SVOP: variants seen among roughly 807,000 people sequenced by gnomAD.
The protein encoded by SVOP is SV2 related protein.
A neutral mutation model predicts 69.1 loss-of-function variants in SVOP; 17 were observed. The observed-to-expected ratio is 0.25, with a 90% CI of 0.17 to 0.37. SVOP has a LOEUF of 0.37. Ranked by LOEUF, SVOP falls within the 10% of genes least tolerant of loss-of-function variation. The pLI is 1.00. For missense variants in SVOP, 435 were observed against 597.5 expected (o/e 0.73, Z 2.84); for synonymous variants, 238 against 238.6 (o/e 1.00, Z 0.02).
chr12:108,919,730 G>C lies in SVOP; in HGVS notation c.1213C>G (p.Leu405Val). The change falls in exon 13 of 16, where the codon CTG becomes GTG. Residue 405 changes from leucine to valine, a missense_variant. Leu to Val is a conservative substitution (Grantham distance 32). Transcript: ENST00000610966. Reference protein sequence around the residue: ...DRLGRKKTMALCFVIFSFCSL... With the variant: ...DRLGRKKTMAVCFVIFSFCSL... ...CAGAAGGAGAAGATGACAAAGCACAGGGCCATGGTCTTCTTGCGCCCCAGG... is the reference window on the plus strand; with the variant it reads ...CAGAAGGAGAAGATGACAAAGCACACGGCCATGGTCTTCTTGCGCCCCAGG... The C allele has an allele frequency of 6.2e-7, 1 of 1,608,262 alleles. No individual in the cohort carries two copies. The highest frequency in any genetic ancestry group is 8.5e-7 in the Non-Finnish European group (1 of 1,177,246).
intron 11 of SVOP, among the ~76,000 whole-genome samples, chr12:108,929,107 T>C (rs750791809): frequency 6.6e-6 from 1 of 152,222 alleles, no homozygotes; most frequent in Non-Finnish European, 1.5e-5. Context: ...GGCTTAACCA[T>C]TTCTCCAGGT....
chr12:109,004,410 C>CTTTTT lies in SVOP; in HGVS notation c.35+16419_35+16423dup, dbSNP rs34124314. Reference sequence around the variant, plus strand: ...CTGTGACTCGATTCAGGTATTGCTACTTTTTTTTTTTTTTTTTTTGAGACA... The same window carrying CTTTTT: ...CTGTGACTCGATTCAGGTATTGCTACTTTTTTTTTTTTTTTTTTTTTTTTGAGACA... On this transcript the variant is annotated intron_variant, in intron 1 of 15. Transcript: ENST00000610966. Among the ~76,000 whole-genome samples the CTTTTT allele has an allele frequency of 4.9e-3, 585 of 120,292 alleles. 17 individuals carry two copies. The highest frequency in any genetic ancestry group is 8.8e-3 in the South Asian group (31 of 3,526). The allele number at this position is 120,292 out of a possible 152,430, so 78.9% of individuals were successfully genotyped here. A position where few individuals can be genotyped will look rare whatever the true frequency, so the allele number is the denominator to read the frequency against.
intron 4 of SVOP, among the ~76,000 whole-genome samples, chr12:108,976,771 C>T (rs1566061161): frequency 6.6e-6 from 1 of 151,998 alleles, no homozygotes; most frequent in South Asian, 2.1e-4. Flanking sequence ...GCCCCCACCA[C>T]GCCCAGCTAA....
chr12:109,004,136 T>C (rs2040290721), intron 1 of SVOP, among the ~76,000 whole-genome samples: 1 of 151,968 alleles, frequency 6.6e-6, no homozygotes. Flanking sequence ...AAAAAAGTAA[T>C]ATGAAAGAAA....
chr12:108,942,124 C>T (rs149479762), intron 7 of SVOP, among the ~76,000 whole-genome samples: 19,982 of 152,118 alleles, frequency 0.13, 1,563 homozygotes, highest in East Asian at 0.35. Flanking sequence ...GGCTTATTTC[C>T]CTGAGCATAA....
intron 6 of SVOP, among the ~76,000 whole-genome samples, chr12:108,947,570 C>T (rs1023041437): frequency 1.3e-5 from 2 of 152,100 alleles, no homozygotes; most frequent in Non-Finnish European, 2.9e-5. Context: ...TGTCTTTGCT[C>T]AATTTACTTG....
chr12:108,992,025 C>T (rs74188014), intron 1 of SVOP, among the ~76,000 whole-genome samples: 135,187 of 152,074 alleles, frequency 0.89, 61,210 homozygotes, highest in Non-Finnish European at 0.99. Flanking sequence ...TGTGGGGGTG[C>T]TTGAAAGTCA....
In SVOP at chr12:108,922,741, T is replaced by A; in HGVS notation, c.1105A>T (p.Ser369Cys). The change falls in exon 12 of 16, where the codon AGT becomes TGT. Residue 369 changes from serine to cysteine, a missense_variant. Ser to Cys is a moderately radical substitution (Grantham distance 112, BLOSUM62 -1). Transcript: ENST00000610966. ...AKCSLACEYL[S>C]EEDYMDLLWT... ...AGCAAGTCCATGTAATCCTCCTCAC[T>A]CAGGTACTCGCAGGCCAGGCTGCAT... is the stretch of plus-strand genomic sequence containing the variant. 1.2e-6 allele frequency: 2 copies of A among 1,611,798 alleles called. No individual in the cohort carries two copies. Among genetic ancestry groups the A allele is most frequent in the Non-Finnish European group, 1.7e-6 (2 of 1,179,236 alleles).
intron 1 of SVOP, among the ~76,000 whole-genome samples, chr12:109,015,080 A>G (rs575964553): frequency 6.6e-6 from 1 of 152,244 alleles, no homozygotes; most frequent in South Asian, 2.1e-4. Flanking sequence ...GAGGGCTGCA[A>G]ATTTAAAGAG....
intron 7 of SVOP, 143 bp from the exon 8 acceptor site, chr12:108,941,052 G>C: frequency 1.6e-6 from 2 of 1,235,422 alleles, no homozygotes; most frequent in Non-Finnish European, 2.2e-6. Flanking sequence ...CTTTCCCTGT[G>C]GTCTATATGG....
intron 11 of SVOP, among the ~76,000 whole-genome samples, chr12:108,930,403 C>G (rs982341712): frequency 2.0e-5 from 3 of 146,858 alleles, no homozygotes; most frequent in Admixed American, 1.4e-4. Context: ...TCAGTGTTTG[C>G]CTTATTTGAA....
At chr12:108,963,970 G>A (rs1295739184) in intron 5 of SVOP, among the ~76,000 whole-genome samples, 1 of 152,106 alleles carries the variant, frequency 6.6e-6, no homozygotes, top group African/African-American at 2.4e-5. Context: ...AATTAAGACT[G>A]TATAGTTTCA....
chr12:108,985,019 G>C (rs1199674405), intron 1 of SVOP, among the ~76,000 whole-genome samples: 2 of 151,860 alleles, frequency 1.3e-5, no homozygotes, highest in African/African-American at 2.4e-5. Context: ...TTGGGCAAAG[G>C]AGTTCAAGAC....
intron 8 of SVOP, 29 bp from the exon 9 acceptor site, chr12:108,938,984 C>T (rs372724748): frequency 2.5e-5 from 40 of 1,613,556 alleles, no homozygotes; most frequent in South Asian, 1.3e-4. Context: ...GAAACCCAGG[C>T]GTGGCTGGTT....
chr12:108,916,645 C>T (rs1289944509), intron 14 of SVOP, among the ~76,000 whole-genome samples: 2 of 152,240 alleles, frequency 1.3e-5, no homozygotes, highest in Non-Finnish European at 2.9e-5. Flanking sequence ...ATAAGAAAGG[C>T]ACACGATGCG....
intron 1 of SVOP, among the ~76,000 whole-genome samples, chr12:108,998,569 G>A (rs956859824): frequency 7.9e-5 from 12 of 151,958 alleles, no homozygotes; most frequent in African/African-American, 4.8e-5. Flanking sequence ...GAGAAAGGTC[G>A]GGTTACCCTC....
chr12:109,006,639 C>T (rs893800508), intron 1 of SVOP, among the ~76,000 whole-genome samples: 2 of 152,176 alleles, frequency 1.3e-5, no homozygotes, highest in Admixed American at 6.5e-5. Context: ...TAATTTCATC[C>T]TTCTCTGGAG....
intron 5 of SVOP, among the ~76,000 whole-genome samples, chr12:108,969,832 G>A (rs527446604): frequency 4.6e-5 from 7 of 152,184 alleles, no homozygotes; most frequent in Admixed American, 3.9e-4. Flanking sequence ...TGGGAGAGCA[G>A]ATGGGGGCAG....
chr12:108,960,816 TCTGCACCC>T, intron 6 of SVOP, 99 bp downstream of exon 6: 1 of 1,369,268 alleles, frequency 7.3e-7, no homozygotes, highest in South Asian at 1.5e-5. Flanking sequence ...TATAGCTATC[TCTGCACCC>T]CTGCTGCCCC....
Sources: allele counts gnomAD v4.1 joint callset (sites outside exome capture counted in the v4.1 genomes callset), GRCh38; gene constraint gnomAD v4.1.1; transcripts MANE v1.5; gene names NCBI Gene and HGNC (gene_info 2026-07-23, HGNC 2026-07-21).